Variants in ABTB2 observed in about 807,000 individuals in gnomAD.
ABTB2 encodes ankyrin repeat and BTB/POZ domain-containing protein 2.
In ABTB2, 56 loss-of-function variants were observed where a neutral mutation model predicts 104.1. That is an observed-to-expected ratio of 0.54 (90% CI 0.43 to 0.67). ABTB2 has a LOEUF of 0.67. ABTB2 is among the 30% of genes least tolerant of loss of function. ABTB2 has a pLI of 0.00. For missense variants in ABTB2, 1,279 were observed against 1,407.7 expected (o/e 0.91, Z 1.46); for synonymous variants, 606 against 608.2 (o/e 1.00, Z 0.05).
At chr11:34,272,804 A>G (rs577198798) in intron 1 of ABTB2, among the ~76,000 whole-genome samples, 3 of 149,318 alleles carry the variant, frequency 2.0e-5, no homozygotes, top group Non-Finnish European at 3.0e-5. Context: ...TATATGGTTT[A>G]TTTCTATAAC....
chr11:34,343,699 C>T (rs1424662065), intron 1 of ABTB2, among the ~76,000 whole-genome samples: 1 of 152,000 alleles, frequency 6.6e-6, no homozygotes, highest in East Asian at 1.9e-4. Context: ...GTCTCGAACT[C>T]CTGGCCTCAG....
intron 1 of ABTB2, among the ~76,000 whole-genome samples, chr11:34,291,146 C>T (rs918881987): frequency 2.6e-5 from 4 of 152,230 alleles, no homozygotes; most frequent in Admixed American, 2.6e-4. Flanking sequence ...AAGTCAATGC[C>T]ACAGCAATCC....
intron 1 of ABTB2, among the ~76,000 whole-genome samples, chr11:34,216,298 C>T (rs116508430): frequency 6.2e-4 from 95 of 152,312 alleles, no homozygotes; most frequent in African/African-American, 2.2e-3. Context: ...TCAGTCTGCT[C>T]TGAAAATCCT....
intron 16 of ABTB2, among the ~76,000 whole-genome samples, chr11:34,153,082 AAGG>A (rs71918144): frequency 0.014 from 2,133 of 152,338 alleles, 36 homozygotes; most frequent in African/African-American, 0.048. Context: ...GAAGACTGTG[AAGG>A]AGGTAAAGCC....
intron 1 of ABTB2, among the ~76,000 whole-genome samples, chr11:34,248,424 TAAAC>T (rs201577559): frequency 6.6e-5 from 10 of 152,096 alleles, no homozygotes; most frequent in East Asian, 1.9e-4. Flanking sequence ...AGTTTCCTAT[TAAAC>T]AAACAAACAA....
chr11:34,171,045 C>A lies in ABTB2; in HGVS notation c.1424G>T (p.Arg475Leu). The A allele has an allele frequency of 6.2e-7, 1 of 1,614,130 alleles. No homozygotes were observed. The highest frequency in any genetic ancestry group is 1.7e-5 in the Admixed American group (1 of 60,008). The stretch of plus-strand genomic sequence containing the variant: ...AGTAGCTGCTCGGGCATCCAGCCTC[C>A]GGAAGGAACTGAAACAGTGTTCGGG... ...LKPEHCFSSF[R>L]RLDARAATEK... Residue 475 changes from arginine (R) to leucine (L), a missense_variant, in exon 5 of 17, where the codon CGG (arginine) becomes CTG (leucine). Coordinates refer to ENST00000435224, the MANE Select transcript of ABTB2 (RefSeq NM_145804.3).
In ABTB2 at chr11:34,154,649, C is replaced by T. The variant is rs376707414; in HGVS notation, c.2766+52G>A. 1.8e-5 allele frequency: 29 copies of T among 1,586,674 alleles called. No individual in the cohort carries two copies. The highest frequency in any genetic ancestry group is 1.7e-4 in the Admixed American group (10 of 59,464). The stretch of plus-strand genomic sequence containing the variant: ...CCTCTGAAGGGGGTGAATGGGAGAC[C>T]GAGCCGCTGGGCACCCTAGCCCAGG... On this transcript the variant is annotated intron_variant, in intron 15 of 16. Transcript: ENST00000435224. This position sits in a 1 kb window ranked among gnomAD's most constrained non-coding sequence, Gnocchi z 4.9.
At chr11:34,286,283 C>A (rs545867490) in intron 1 of ABTB2, among the ~76,000 whole-genome samples, 3 of 151,846 alleles carry the variant, frequency 2.0e-5, no homozygotes, top group East Asian at 3.9e-4. Context: ...CACGGTGAGA[C>A]CCTACTTTAT....
chr11:34,172,420 G>GTT (rs1852891422), intron 4 of ABTB2, among the ~76,000 whole-genome samples: 1 of 65,068 alleles, frequency 1.5e-5, no homozygotes, highest in Non-Finnish European at 3.3e-5. Context: ...ATATATATAT[G>GTT]TGTGTGTGTG....
At chr11:34,182,434 C>T (rs2133025005) in intron 3 of ABTB2, among the ~76,000 whole-genome samples, 1 of 148,306 alleles carries the variant, frequency 6.7e-6, no homozygotes, top group African/African-American at 2.5e-5. Flanking sequence ...CGCAGCTGAG[C>T]CCACAGCAGA....
intron 1 of ABTB2, among the ~76,000 whole-genome samples, chr11:34,303,573 A>G (rs1046668003): frequency 2.0e-5 from 2 of 100,972 alleles, no homozygotes; most frequent in Admixed American, 2.1e-4. Flanking sequence ...TTTAACTTAA[A>G]TGAAAAAAAA....
intron 1 of ABTB2, among the ~76,000 whole-genome samples, chr11:34,345,240 G>A (rs1170171416): frequency 6.6e-6 from 1 of 152,150 alleles, no homozygotes; most frequent in African/African-American, 2.4e-5. Flanking sequence ...CCAGCCGCAC[G>A]GAAGGAGCTT....
intron 1 of ABTB2, among the ~76,000 whole-genome samples, chr11:34,304,539 G>C (rs1346475032): frequency 6.6e-6 from 1 of 152,304 alleles, no homozygotes; most frequent in East Asian, 1.9e-4. Context: ...CAGACACAGA[G>C]GCTAGGCATA....
chr11:34,156,466 T>C (rs1852628105), intron 14 of ABTB2, among the ~76,000 whole-genome samples: 1 of 151,608 alleles, frequency 6.6e-6, no homozygotes, highest in South Asian at 2.1e-4. Context: ...AAGCTGATAC[T>C]GCAGAAACCA....
At chr11:34,314,489 GTGTTT>G (rs2133107026) in intron 1 of ABTB2, among the ~76,000 whole-genome samples, 1 of 152,348 alleles carries the variant, frequency 6.6e-6, no homozygotes, top group South Asian at 2.1e-4. Flanking sequence ...ATAGATGTGT[GTGTTT>G]TAAGGACCTA....
chr11:34,251,352 G>A (rs1454388625), intron 1 of ABTB2, among the ~76,000 whole-genome samples: 1 of 152,214 alleles, frequency 6.6e-6, no homozygotes, highest in Admixed American at 6.5e-5. Flanking sequence ...CTGAGTGACA[G>A]CCCCAGGGGA....
chr11:34,263,473 C>A (rs1394044927), intron 1 of ABTB2, among the ~76,000 whole-genome samples: 1 of 152,182 alleles, frequency 6.6e-6, no homozygotes, highest in African/African-American at 2.4e-5. Flanking sequence ...GTGCAGACCC[C>A]TCCCTCATGC....
intron 1 of ABTB2, among the ~76,000 whole-genome samples, chr11:34,289,084 T>C (rs191129668): frequency 2.0e-5 from 3 of 152,372 alleles, no homozygotes; most frequent in East Asian, 3.9e-4. Context: ...CATAAATCTA[T>C]GAACAGTTAA....
At chr11:34,305,144 T>C (rs1004866743) in intron 1 of ABTB2, among the ~76,000 whole-genome samples, 6 of 152,210 alleles carry the variant, frequency 3.9e-5, no homozygotes, top group Admixed American at 2.6e-4. Flanking sequence ...AGACCCCACA[T>C]AAGTACACTT....
Sources: allele counts gnomAD v4.1 joint callset (sites outside exome capture counted in the v4.1 genomes callset), GRCh38; gene constraint gnomAD v4.1.1; non-coding constraint Gnocchi (gnomAD v3.1); transcripts MANE v1.5; gene names NCBI Gene and HGNC (gene_info 2026-07-23, HGNC 2026-07-21).